Variants in VWF observed in about 807,000 individuals in gnomAD.
VWF encodes the protein Factor VIII related antigen.
Under a neutral mutation model 308.6 loss-of-function variants are expected in VWF, and 176 were observed. The observed-to-expected ratio is 0.57, with a 90% CI of 0.50 to 0.65. The LOEUF (loss-of-function observed/expected upper bound fraction) is 0.65. VWF is among the 30% of genes least tolerant of loss of function. The pLI is 0.00. For synonymous variants in VWF, 1,385 were observed against 1,443.4 expected, an observed-to-expected ratio of 0.96 and a Z score of 0.92; for missense variants, 3,146 against 3,648.2, an observed-to-expected ratio of 0.86 and a Z score of 3.55.
At position 6,016,517 on chromosome 12, in the gene VWF, G is replaced by A. The variant is rs748269722; in HGVS notation, c.5310C>T (p.Ile1770=). The A allele has an allele frequency of 3.3e-5, 54 of 1,613,700 alleles. No individual in the cohort carries two copies. The highest frequency in any genetic ancestry group is 5.5e-5 in the South Asian group (5 of 91,060). ...TCCAGCCTGTGGCACCAACGTTACC[G>A]ATTTGGCTGGGGCCTCCCTCCCGCT... ...VMQREGGPSQ[I]GDALGFAVRY... Residue 1770 remains isoleucine, a splice_region_variant and synonymous_variant, in exon 30 of 52, where the codon ATC becomes ATT. Coordinates refer to ENST00000261405, the MANE Select transcript of VWF (RefSeq NM_000552.5).
intron 38 of VWF, among the ~76,000 whole-genome samples, chr12:5,989,972 C>A (rs1943719809): frequency 6.6e-6 from 1 of 152,154 alleles, no homozygotes; most frequent in Non-Finnish European, 1.5e-5. Flanking sequence ...AGGAGCTATA[C>A]AAATCAAGGA....
intron 16 of VWF, among the ~76,000 whole-genome samples, chr12:6,050,588 TTC>T (rs1403011712): frequency 1.3e-5 from 2 of 152,304 alleles, no homozygotes; most frequent in Admixed American, 1.3e-4. Context: ...ATAGCATGCG[TTC>T]ATGCCAGAGG....
chr12:6,036,591 G>C, intron 18 of VWF, 100 bp from the exon 19 acceptor site: 1 of 1,142,932 alleles, frequency 8.7e-7, no homozygotes, highest in Middle Eastern at 1.9e-4. Context: ...TTGAGCCTAC[G>C]GGTAAGCCCA....
At chr12:5,979,769 CG>C (rs370445566) in intron 42 of VWF, among the ~76,000 whole-genome samples, 1 of 138,412 alleles carries the variant, frequency 7.2e-6, no homozygotes, top group East Asian at 2.2e-4. Flanking sequence ...AGGCCAGGCA[CG>C]GTGGTTCATG....
At position 6,051,513 on chromosome 12, in the gene VWF, A is replaced by T. The variant is rs139387800; in HGVS notation, c.2186+1030T>A. ...ATGGTCTCGATCTACTGACCTCGTG[A>T]TCCGCCCACCTCGGCCTCCCTAAGT... On this transcript the variant is annotated intron_variant, in intron 16 of 51. Coordinates refer to ENST00000261405, the MANE Select transcript of VWF (RefSeq NM_000552.5). Among the ~76,000 whole-genome samples the T allele has an allele frequency of 8.7e-3, 1,318 of 152,178 alleles. 22 individuals carry two copies. Among genetic ancestry groups the T allele is most frequent in the African/African-American group, 0.031 (1,281 of 41,532 alleles).
At chr12:5,974,109 A>C (rs925332989) in intron 43 of VWF, among the ~76,000 whole-genome samples, 1 of 152,178 alleles carries the variant, frequency 6.6e-6, no homozygotes, top group Non-Finnish European at 1.5e-5. Flanking sequence ...TAGACAACAC[A>C]TGGACCGGCA....
At chr12:6,048,943 A>G (rs1386782593) in intron 16 of VWF, among the ~76,000 whole-genome samples, 2 of 152,208 alleles carry the variant, frequency 1.3e-5, no homozygotes, top group African/African-American at 4.8e-5. Context: ...TGTCATGTTC[A>G]ATCTGTCATT....
At chr12:5,966,274 A>AAT (rs1013414940) in intron 47 of VWF, among the ~76,000 whole-genome samples, 12 of 77,136 alleles carry the variant, frequency 1.6e-4, no homozygotes, top group African/African-American at 1.5e-3. Context: ...GTTGTTACAC[A>AAT]ATACACACAC....
At chr12:6,119,273 T>C (rs980701703) in intron 3 of VWF, among the ~76,000 whole-genome samples, 1 of 152,036 alleles carries the variant, frequency 6.6e-6, no homozygotes, top group African/African-American at 2.4e-5. Flanking sequence ...GCAGCAGCAG[T>C]TGGGAAATTT....
At chr12:6,016,387 C>T (rs188457265) in intron 30 of VWF, 129 bp downstream of exon 30, 3 of 1,412,124 alleles carry the variant, frequency 2.1e-6, no homozygotes, top group South Asian at 2.4e-5. Context: ...GAGCATCTAG[C>T]CCCTCACTTT....
At position 6,095,677 on chromosome 12, in the gene VWF, G is replaced by A. The variant is rs114903521; in HGVS notation, c.533-93C>T. On this transcript the variant is annotated intron_variant, in intron 5 of 51. Coordinates refer to ENST00000261405, the MANE Select transcript of VWF (RefSeq NM_000552.5). ...TCTAGGTCTGCTGGTGGTTTTGTGT[G>A]TTTTGTTTTAATTTTTTATAAAGAG... 2,440 of 1,584,954 alleles carry A rather than the reference G, an allele frequency of 1.5e-3. 23 individuals carry two copies. The African/African-American group carries it at 0.025, about 16-fold the overall frequency.
rs373120381 is a variant in VWF, at chr12:5,994,085, G to C, written c.6375C>G (p.Pro2125=). Residue 2125 remains proline (P), a synonymous_variant, in exon 37 of 52, where the codon CCC becomes CCG. Transcript: ENST00000261405. ...TVQRPGQTCQ[P]ILEEQCLVPD... is the part of the protein sequence containing the mutation. Reference sequence around the variant, plus strand: ...GGACAAGACACTGCTCCTCCAGGATGGGCTGGCACGTCTGCCCTGGCCGCT... The same window carrying C: ...GGACAAGACACTGCTCCTCCAGGATCGGCTGGCACGTCTGCCCTGGCCGCT... The C allele has an allele frequency of 1.2e-5, 20 of 1,614,064 alleles. No individual in the cohort carries two copies. The highest frequency in any genetic ancestry group is 1.7e-5 in the Non-Finnish European group (20 of 1,180,034).
intron 3 of VWF, among the ~76,000 whole-genome samples, chr12:6,120,592 C>T (rs1209997017): frequency 2.6e-5 from 4 of 152,118 alleles, no homozygotes; most frequent in Non-Finnish European, 4.4e-5. Context: ...CATGAGCCAC[C>T]GTGCCCGGCC....
At chr12:6,056,413 G>A (rs1037150779) in intron 15 of VWF, among the ~76,000 whole-genome samples, 4 of 151,168 alleles carry the variant, frequency 2.6e-5, no homozygotes, top group African/African-American at 9.7e-5. Context: ...TTTGTCCATC[G>A]GTGGTTTGCC....
At chr12:6,119,863 T>C (rs1945411425) in intron 3 of VWF, among the ~76,000 whole-genome samples, 1 of 151,868 alleles carries the variant, frequency 6.6e-6, no homozygotes, top group South Asian at 2.1e-4. Context: ...AATAAATAAA[T>C]ACATAATCTT....
At chr12:6,114,487 A>G (rs746555220) in intron 3 of VWF, among the ~76,000 whole-genome samples, 3 of 152,210 alleles carry the variant, frequency 2.0e-5, no homozygotes, top group Non-Finnish European at 4.4e-5. Context: ...ACAGGAGAGA[A>G]CCAGGAGAAG....
chr12:6,111,566 G>T (rs889097187), intron 3 of VWF, among the ~76,000 whole-genome samples: 13 of 152,074 alleles, frequency 8.5e-5, no homozygotes, highest in African/African-American at 3.1e-4. Context: ...GTAGAGACAA[G>T]ATCTCACCGT....
intron 14 of VWF, among the ~76,000 whole-genome samples, chr12:6,057,474 G>A (rs1239919516): frequency 2.0e-5 from 2 of 101,336 alleles, no homozygotes; most frequent in Admixed American, 9.8e-5. Flanking sequence ...CACCACGCCC[G>A]GCAAATTTAT....
intron 5 of VWF, among the ~76,000 whole-genome samples, chr12:6,100,391 G>C: frequency 6.7e-6 from 1 of 148,762 alleles, no homozygotes. Flanking sequence ...CCCATTACTG[G>C]GTATATACCC....
Sources: gnomAD v4.1 joint callset for allele counts (sites outside exome capture counted in the v4.1 genomes callset) on GRCh38, gnomAD v4.1.1 for gene constraint, MANE v1.5 for transcripts, NCBI Gene and HGNC (gene_info 2026-07-23, HGNC 2026-07-21) for gene names.